DEFB118: variants seen among roughly 807,000 people sequenced by gnomAD.
DEFB118 encodes defensin beta 118, also known as defensin, beta 18.
DEFB118 carries 3 observed loss-of-function variants against 2.8 expected under a neutral mutation model. That is an observed-to-expected ratio of 1.09 (90% confidence interval 0.50 to 2.82). The LOEUF (loss-of-function observed/expected upper bound fraction) is 2.82, where lower values mean the gene tolerates loss of function less well. Among genes scored for constraint, DEFB118 ranks in the 30% most tolerant of loss-of-function variants. DEFB118 has a pLI of 0.04. For synonymous variants in DEFB118, 63 were observed against 53.5 expected (o/e 1.18, Z -0.78); for missense variants, 159 against 144.6 (o/e 1.10, Z -0.51).
In DEFB118 at chr20:31,368,662, G is replaced by C; in HGVS notation, c.12G>C (p.Leu4=). The C allele has an allele frequency of 6.2e-7, 1 of 1,613,820 alleles. No individual in the cohort carries two copies. Among genetic ancestry groups the C allele is most frequent in the South Asian group, 1.1e-5 (1 of 91,074 alleles). Residue 4 remains leucine, a synonymous_variant, in exon 1 of 2, where the codon CTG becomes CTC. Transcript: ENST00000253381. MKL[L]LLALPMLVLL... The stretch of plus-strand genomic sequence containing the variant: ...GCTTCCCAAGGACCATGAAACTCCT[G>C]CTGCTGGCTCTTCCTATGCTTGTGC...
At position 31,373,291 on chromosome 20, in the gene DEFB118, A is replaced by G; in HGVS notation, c.*121A>G. ...CCCACCAATATGTAATTCTATTAATAGAAACAGCTGTGTAAAGAAGTCTAA... is the reference window on the plus strand; with the variant it reads ...CCCACCAATATGTAATTCTATTAATGGAAACAGCTGTGTAAAGAAGTCTAA... On this transcript the variant is annotated 3_prime_UTR_variant, in exon 2 of 2. Coordinates refer to ENST00000253381, the MANE Select transcript of DEFB118 (RefSeq NM_054112.3). 2.3e-6 allele frequency: 2 copies of G among 867,224 alleles called. 1 individual carries two copies. The highest frequency in any genetic ancestry group is 3.6e-5 in the South Asian group (2 of 55,718). The allele number at this position is 867,224 out of a possible 1,614,324, so 53.7% of individuals were successfully genotyped here.
chr20:31,372,819 G>C, intron 1 of DEFB118, 38 bp from the exon 2 acceptor site: 3 of 1,560,238 alleles, frequency 1.9e-6, no homozygotes, highest in Non-Finnish European at 2.6e-6. Flanking sequence ...GAGAGCATCA[G>C]TAACCCAAAA....
chr20:31,371,642 TG>T (rs1986212690), intron 1 of DEFB118, among the ~76,000 whole-genome samples: 1 of 152,196 alleles, frequency 6.6e-6, no homozygotes, highest in Non-Finnish European at 1.5e-5. Context: ...GGCTAATTTT[TG>T]TATTTTTGGA....
chr20:31,373,383 CAA>C lies in DEFB118; in HGVS notation c.*214_*215del. 3.5e-6 allele frequency: 2 copies of C among 566,154 alleles called. No individual in the cohort carries two copies. 35.1% of individuals were successfully genotyped at this position (566,154 alleles called of 1,614,324 possible). ...TTGAAATGTCACATTATTTCCACAACAAGTTATAACCTATTTTTAGTATTTCT... is the reference window on the plus strand; with the variant it reads ...TTGAAATGTCACATTATTTCCACAACGTTATAACCTATTTTTAGTATTTCT... On this transcript the variant is annotated 3_prime_UTR_variant, in exon 2 of 2. Coordinates refer to ENST00000253381, the MANE Select transcript of DEFB118 (RefSeq NM_054112.3).
chr20:31,368,654 A>G lies in DEFB118; in HGVS notation c.4A>G (p.Lys2Glu), dbSNP rs1986157485. 2 of 1,613,796 alleles carry G rather than the reference A, an allele frequency of 1.2e-6. No homozygotes were observed. Among genetic ancestry groups the G allele is most frequent in the African/African-American group, 1.3e-5 (1 of 75,010 alleles). M[K>E]LLLLALPMLV... is the part of the protein sequence containing the mutation. ...CACCTCCTGCTTCCCAAGGACCATG[A>G]AACTCCTGCTGCTGGCTCTTCCTAT... Residue 2 changes from lysine (K) to glutamate (E), a missense_variant, in exon 1 of 2, where the codon AAA becomes GAA. Coordinates refer to ENST00000253381, the MANE Select transcript of DEFB118 (RefSeq NM_054112.3).
In DEFB118 at chr20:31,372,865, G is replaced by A; in HGVS notation, c.67G>A (p.Gly23Ser). The change falls in exon 2 of 2, where the codon GGT becomes AGT. Residue 23 changes from glycine (G) to serine (S), a missense_variant. By Grantham distance (56) the Gly-to-Ser change is moderately conservative. Coordinates refer to ENST00000253381, the MANE Select transcript of DEFB118 (RefSeq NM_054112.3). The stretch of plus-strand genomic sequence containing the variant: ...TTCCTTTTATTATTCAGCCTATAGT[G>A]GTGAAAAAAAATGCTGGAACAGATC... ...LLPQVIPAYSGEKKCWNRSGH... is the reference protein window; with the variant it reads ...LLPQVIPAYSSEKKCWNRSGH... 4 of 1,613,470 alleles carry A rather than the reference G, an allele frequency of 2.5e-6. No homozygotes were observed. Among genetic ancestry groups the A allele is most frequent in the Non-Finnish European group, 3.4e-6 (4 of 1,179,654 alleles).
rs1294292733 is a variant in DEFB118 at position 31,373,620 on chromosome 20, T to C, written c.*450T>C. 1.2e-5 allele frequency: 2 copies of C among 164,514 alleles called. No homozygotes were observed. The highest frequency in any genetic ancestry group is 2.7e-5 in the Non-Finnish European group (2 of 74,814). 10.2% of individuals were successfully genotyped at this position (164,514 alleles called of 1,614,324 possible). ...ACAGGAGACACTTCAGGTGAAAGCA[T>C]TCATTCTCCTACTAACTATGGCCTT... On this transcript the variant is annotated 3_prime_UTR_variant, in exon 2 of 2. Transcript: ENST00000253381.
chr20:31,372,478 G>A (rs1403640816), intron 1 of DEFB118, among the ~76,000 whole-genome samples: 2 of 152,152 alleles, frequency 1.3e-5, no homozygotes, highest in African/African-American at 4.8e-5. Flanking sequence ...GAACCAGGGA[G>A]GCGGAGGTTG....
At chr20:31,370,643 C>G (rs954684260) in intron 1 of DEFB118, among the ~76,000 whole-genome samples, 7 of 152,226 alleles carry the variant, frequency 4.6e-5, no homozygotes, top group African/African-American at 9.6e-5. Context: ...ACAGAGATAT[C>G]TCCCTACCCT....
At chr20:31,370,011 A>C (rs1986186953) in intron 1 of DEFB118, among the ~76,000 whole-genome samples, 1 of 152,082 alleles carries the variant, frequency 6.6e-6, no homozygotes, top group Non-Finnish European at 1.5e-5. Context: ...TAATTCCTCT[A>C]TTCCTCTGCC....
chr20:31,369,590 A>C (rs901540602), intron 1 of DEFB118, among the ~76,000 whole-genome samples: 4 of 152,068 alleles, frequency 2.6e-5, no homozygotes, highest in Admixed American at 2.6e-4. Context: ...GGGTTTCACC[A>C]TGTTGGCAAG....
rs1986255416 is a variant in DEFB118, at chr20:31,373,719, C to T, written c.*549C>T. The T allele has an allele frequency of 6.5e-6, 1 of 154,758 alleles. No individual in the cohort carries two copies. Among genetic ancestry groups the T allele is most frequent in the African/African-American group, 2.4e-5 (1 of 41,410 alleles). 9.6% of individuals were successfully genotyped at this position (154,758 alleles called of 1,614,324 possible). A position where few individuals can be genotyped will look rare whatever the true frequency, so the allele number is the denominator to read the frequency against. On this transcript the variant is annotated 3_prime_UTR_variant, in exon 2 of 2. Coordinates refer to ENST00000253381, the MANE Select transcript of DEFB118 (RefSeq NM_054112.3). ...GAGCTATGAAGACTCCTTTTTGCCC[C>T]AGTGGCTTTGGGGTTGAAATGCTGT...
rs201983196 is a variant in DEFB118 at position 31,373,133 on chromosome 20, C to G, written c.335C>G (p.Thr112Ser). 31 of 1,613,952 alleles carry G rather than the reference C, an allele frequency of 1.9e-5. No individual in the cohort carries two copies. The East Asian group carries it at 6.5e-4, about 34-fold the overall frequency. Reference protein sequence around the residue: ...MVEESEAGRGTETSLPNVHHS... With the variant: ...MVEESEAGRGSETSLPNVHHS... ...GAAGAGTCTGAGGCGGGAAGGGGAACTGAGACCTCTCTTCCAAATGTTCAC... is the reference window on the plus strand; with the variant it reads ...GAAGAGTCTGAGGCGGGAAGGGGAAGTGAGACCTCTCTTCCAAATGTTCAC... The change falls in exon 2 of 2, where the codon ACT becomes AGT. Residue 112 changes from threonine to serine, a missense_variant. Transcript: ENST00000253381.
intron 1 of DEFB118, among the ~76,000 whole-genome samples, chr20:31,370,928 T>C (rs928936102): frequency 6.6e-6 from 1 of 151,918 alleles, no homozygotes; most frequent in Non-Finnish European, 1.5e-5. Context: ...TTTTTGTATT[T>C]TTAGTAGAGA....
rs187041124 is a variant in DEFB118 at position 31,373,296 on chromosome 20, C to A, written c.*126C>A. On this transcript the variant is annotated 3_prime_UTR_variant, in exon 2 of 2. Transcript: ENST00000253381. ...CAATATGTAATTCTATTAATAGAAACAGCTGTGTAAAGAAGTCTAAAATTT... is the reference window on the plus strand; with the variant it reads ...CAATATGTAATTCTATTAATAGAAAAAGCTGTGTAAAGAAGTCTAAAATTT... The A allele has an allele frequency of 2.5e-4, 207 of 838,824 alleles. No individual in the cohort carries two copies. Among genetic ancestry groups the A allele is most frequent in the Non-Finnish European group, 3.5e-4 (191 of 552,506 alleles). The allele number at this position is 838,824 out of a possible 1,614,324, so 52.0% of individuals were successfully genotyped here. A position where few individuals can be genotyped will look rare whatever the true frequency, so the allele number is the denominator to read the frequency against.
chr20:31,373,079 T>C lies in DEFB118; in HGVS notation c.281T>C (p.Phe94Ser). 6 of 1,614,110 alleles carry C rather than the reference T, an allele frequency of 3.7e-6. No individual in the cohort carries two copies. The highest frequency in any genetic ancestry group is 5.1e-6 in the Non-Finnish European group (6 of 1,180,026). ...ACAGTAAGGTTCACGACAGACTACTTTGAAGTAAGCAGCAAGAAAGATATG... is the reference window on the plus strand; with the variant it reads ...ACAGTAAGGTTCACGACAGACTACTCTGAAGTAAGCAGCAAGAAAGATATG... ...ILTVRFTTDY[F>S]EVSSKKDMVE... Residue 94 changes from phenylalanine (F) to serine (S), a missense_variant, in exon 2 of 2, where the codon TTT becomes TCT. Coordinates refer to ENST00000253381, the MANE Select transcript of DEFB118 (RefSeq NM_054112.3).
intron 1 of DEFB118, 21 bp downstream of exon 1, chr20:31,368,729 A>T (rs1458779049): frequency 6.2e-7 from 1 of 1,610,950 alleles, no homozygotes. Flanking sequence ...GTCAGGGAAG[A>T]TACAAAAATA....
chr20:31,372,902 G>A lies in DEFB118; in HGVS notation c.104G>A (p.Arg35Lys), dbSNP rs1343486759. Residue 35 changes from arginine (R) to lysine (K), a missense_variant, in exon 2 of 2, where the codon AGG becomes AAG. Coordinates refer to ENST00000253381, the MANE Select transcript of DEFB118 (RefSeq NM_054112.3). ...TGCTGGAACAGATCAGGGCACTGCA[G>A]GAAACAATGCAAAGATGGAGAAGCA... ...KKCWNRSGHC[R>K]KQCKDGEAVK... is the part of the protein sequence containing the mutation. 6.2e-7 allele frequency: 1 copy of A among 1,614,026 alleles called. No individual in the cohort carries two copies.
chr20:31,368,605 A>G lies in DEFB118; in HGVS notation c.-46A>G. The G allele has an allele frequency of 6.3e-7, 1 of 1,591,328 alleles. No homozygotes were observed. Among genetic ancestry groups the G allele is most frequent in the East Asian group, 2.2e-5 (1 of 44,692 alleles). ...TCTTGTTCAGACTCACACTGCACAC[A>G]GTATTCTGAACTCCTGGATCTACCA... On this transcript the variant is annotated 5_prime_UTR_variant, in exon 1 of 2. Transcript: ENST00000253381.
Sources: allele counts gnomAD v4.1 joint callset (sites outside exome capture counted in the v4.1 genomes callset), GRCh38; gene constraint gnomAD v4.1.1; transcripts MANE v1.5; gene names NCBI Gene and HGNC (gene_info 2026-07-23, HGNC 2026-07-21).